The following PPP1R9A variants were observed in gnomAD, a reference collection of about 807,000 sequenced individuals.
PPP1R9A encodes the protein protein phosphatase 1 regulatory subunit 9A.
A neutral mutation model predicts 141.9 loss-of-function variants in PPP1R9A; 59 were observed. The ratio of observed to expected loss-of-function variants is 0.42; its 90% confidence interval spans 0.34 to 0.52. PPP1R9A has a LOEUF of 0.52. Ranked by LOEUF, PPP1R9A falls within the 20% of genes least tolerant of loss-of-function variation. The pLI, the probability that PPP1R9A is intolerant of heterozygous loss-of-function variation, is 0.10. For missense variants in PPP1R9A, 1,444 were observed against 1,611.9 expected, an observed-to-expected ratio of 0.90 and a Z score of 1.78; for synonymous variants, 500 against 569.7, an observed-to-expected ratio of 0.88 and a Z score of 1.74.
chr7:95,010,376 C>T (rs1291226391), intron 2 of PPP1R9A, among the ~76,000 whole-genome samples: 2 of 152,026 alleles, frequency 1.3e-5, no homozygotes, highest in African/African-American at 4.8e-5. Context: ...TGCACTCCAG[C>T]CTGGGTAACA....
chr7:94,948,851 A>G (rs1224752427), intron 2 of PPP1R9A, among the ~76,000 whole-genome samples: 1 of 152,046 alleles, frequency 6.6e-6, no homozygotes, highest in East Asian at 1.9e-4. Context: ...TTCCCAAGAG[A>G]GAGAAAGGCT....
chr7:95,082,704 C>T (rs1816043541), intron 2 of PPP1R9A, among the ~76,000 whole-genome samples: 1 of 151,094 alleles, frequency 6.6e-6, no homozygotes, highest in South Asian at 2.1e-4. Context: ...CATGCCACTG[C>T]ACCCCAGCCT....
At chr7:95,028,250 G>T (rs1169638979) in intron 2 of PPP1R9A, among the ~76,000 whole-genome samples, 1 of 152,076 alleles carries the variant, frequency 6.6e-6, no homozygotes, top group Non-Finnish European at 1.5e-5. Context: ...ATATTTTGAT[G>T]ATTTTAGATC....
chr7:95,286,338 C>T lies in PPP1R9A; in HGVS notation c.3729+13C>T, dbSNP rs774339907. The T allele has an allele frequency of 6.2e-7, 1 of 1,611,380 alleles. No homozygotes were observed. ...GTCATCAGATGAGGTAATTCCATGG[C>T]ACTATGACAGAGCTGCTTTGTCAAA... On this transcript the variant is annotated intron_variant, in intron 18 of 19. Coordinates refer to ENST00000433360, the MANE Select transcript of PPP1R9A (RefSeq NM_001166160.2).
Position 95,082,856 on chromosome 7 carries a change from C to T in PPP1R9A, c.1396-28403C>T, listed in dbSNP as rs999230493. On this transcript the variant is annotated intron_variant, in intron 2 of 19. Coordinates refer to ENST00000433360, the MANE Select transcript of PPP1R9A (RefSeq NM_001166160.2). ...CTGCAAGCTCCACCTCCTGGGTTCA[C>T]GCCATTCTCCTGCCTCAGCCTCCCA... 8.7e-5 allele frequency among the ~76,000 whole-genome samples: 13 copies of T among 149,344 alleles called. No individual in the cohort carries two copies. In the East Asian group the frequency reaches 1.4e-3, roughly 16 times the overall value.
intron 4 of PPP1R9A, among the ~76,000 whole-genome samples, chr7:95,128,322 G>T (rs1327124405): frequency 6.6e-6 from 1 of 152,154 alleles, no homozygotes; most frequent in Non-Finnish European, 1.5e-5. Context: ...CTATTGAGAA[G>T]TGCTGTTTAT....
At chr7:95,173,234 C>T (rs1313941194) in intron 5 of PPP1R9A, among the ~76,000 whole-genome samples, 2 of 151,786 alleles carry the variant, frequency 1.3e-5, no homozygotes, top group Non-Finnish European at 2.9e-5. Context: ...TATCCATGGA[C>T]ATACAGAGGG....
At chr7:95,132,495 A>G (rs747489723) in intron 4 of PPP1R9A, among the ~76,000 whole-genome samples, 35 of 152,108 alleles carry the variant, frequency 2.3e-4, no homozygotes, top group Non-Finnish European at 4.6e-4. Flanking sequence ...ATTGATTTGT[A>G]TATGTTGAAC....
At chr7:95,051,574 T>C (rs1810804497) in intron 2 of PPP1R9A, among the ~76,000 whole-genome samples, 1 of 152,164 alleles carries the variant, frequency 6.6e-6, no homozygotes, top group Non-Finnish European at 1.5e-5. Flanking sequence ...TTGGGAAAAA[T>C]TGGCATCTTT....
intron 2 of PPP1R9A, among the ~76,000 whole-genome samples, chr7:95,082,068 C>A (rs1815930925): frequency 6.6e-6 from 1 of 152,154 alleles, no homozygotes; most frequent in Non-Finnish European, 1.5e-5. Flanking sequence ...TAACCCCACT[C>A]ACAAAGATTA....
chr7:94,925,693 G>T (rs1584241869), intron 2 of PPP1R9A, among the ~76,000 whole-genome samples: 1 of 152,096 alleles, frequency 6.6e-6, no homozygotes, highest in Non-Finnish European at 1.5e-5. Context: ...CTCTAGGATT[G>T]TCACACCGCT....
chr7:95,110,308 T>A (rs1820329337), intron 2 of PPP1R9A, among the ~76,000 whole-genome samples: 1 of 152,184 alleles, frequency 6.6e-6, no homozygotes, highest in Admixed American at 6.5e-5. Context: ...TGCCTTCTGT[T>A]TCTACTGCAT....
intron 12 of PPP1R9A, among the ~76,000 whole-genome samples, chr7:95,267,505 C>T (rs1014225595): frequency 6.6e-6 from 1 of 152,062 alleles, no homozygotes; most frequent in African/African-American, 2.4e-5. Context: ...TTTTCCTTAA[C>T]CAATATCCAG....
chr7:95,227,811 A>G (rs138052683), intron 8 of PPP1R9A, among the ~76,000 whole-genome samples: 1,682 of 152,318 alleles, frequency 0.011, 10 homozygotes, highest in Admixed American at 0.018. Context: ...GTTTCTAAGA[A>G]TTGGAATTTC....
chr7:94,993,935 T>C (rs900857636), intron 2 of PPP1R9A, among the ~76,000 whole-genome samples: 2 of 152,192 alleles, frequency 1.3e-5, no homozygotes, highest in Admixed American at 1.3e-4. Flanking sequence ...GTCATATTCC[T>C]GATTGTAGGG....
intron 4 of PPP1R9A, among the ~76,000 whole-genome samples, chr7:95,160,825 A>G (rs1830370792): frequency 6.6e-6 from 1 of 152,080 alleles, no homozygotes. Flanking sequence ...TGGCCTCCAG[A>G]TGCATCCGTG....
At chr7:95,116,632 G>A (rs1821571025) in intron 3 of PPP1R9A, among the ~76,000 whole-genome samples, 1 of 152,136 alleles carries the variant, frequency 6.6e-6, no homozygotes, top group Admixed American at 6.5e-5. Context: ...AAATAGAACT[G>A]CCAACAAAGT....
intron 2 of PPP1R9A, among the ~76,000 whole-genome samples, chr7:95,058,030 G>C (rs1226290766): frequency 6.6e-6 from 1 of 152,076 alleles, no homozygotes; most frequent in Non-Finnish European, 1.5e-5. Context: ...GAACATCAGG[G>C]AACATGTATT....
intron 12 of PPP1R9A, among the ~76,000 whole-genome samples, chr7:95,257,933 T>C: frequency 6.6e-6 from 1 of 152,220 alleles, no homozygotes; most frequent in Non-Finnish European, 1.5e-5. Flanking sequence ...ACATTTGGGT[T>C]GGTTCCAAGT....
Sources: allele counts gnomAD v4.1 joint callset (sites outside exome capture counted in the v4.1 genomes callset), GRCh38; gene constraint gnomAD v4.1.1; transcripts MANE v1.5; gene names NCBI Gene and HGNC (gene_info 2026-07-23, HGNC 2026-07-21).